FRMD5: variants seen among roughly 807,000 people sequenced by gnomAD.
The protein encoded by FRMD5 is FERM domain-containing protein 5.
FRMD5 carries 20 observed loss-of-function variants against 69.0 expected under a neutral mutation model. The ratio of observed to expected loss-of-function variants is 0.29; its 90% CI spans 0.20 to 0.42. FRMD5 has a LOEUF of 0.42. FRMD5 is among the 10% of genes least tolerant of loss of function. The probability of loss-of-function intolerance (pLI) is 1.00; values close to 1 mark genes in which losing one functional copy is unlikely to be tolerated. For missense variants in FRMD5, 595 were observed against 708.6 expected, an observed-to-expected ratio of 0.84 and a Z score of 1.82; for synonymous variants, 271 against 260.1, an observed-to-expected ratio of 1.04 and a Z score of -0.40.
intron 1 of FRMD5, chr15:43,990,074 G>C: frequency 1.4e-6 from 1 of 702,472 alleles, no homozygotes; most frequent in Non-Finnish European, 2.7e-6. Flanking sequence ...TGTCTGGGGC[G>C]CCCCACAATG....
intron 1 of FRMD5, among the ~76,000 whole-genome samples, chr15:43,951,398 G>C (rs1424379509): frequency 6.6e-6 from 1 of 150,386 alleles, no homozygotes; most frequent in Non-Finnish European, 1.5e-5. Context: ...CTCCAGCCTG[G>C]GCCACAGGGT....
rs564784682 is a variant in FRMD5, at chr15:43,968,655, A to G, written c.103-44346T>C. Among the ~76,000 whole-genome samples the G allele has an allele frequency of 3.3e-5, 5 of 152,244 alleles. No homozygotes were observed. The East Asian group carries it at 9.6e-4, about 29-fold the overall frequency. On this transcript the variant is annotated intron_variant, in intron 1 of 13. Transcript: ENST00000417257. ...TTGTATCTATCTACTTTATTCTACT[A>G]TGTATGAACGTGTATGGAATATATG...
In FRMD5 at chr15:43,883,706, C is replaced by T; in HGVS notation, c.1132G>A (p.Glu378Lys). 6.2e-7 allele frequency: 1 copy of T among 1,605,770 alleles called. No individual in the cohort carries two copies. The highest frequency in any genetic ancestry group is 8.5e-7 in the Non-Finnish European group (1 of 1,175,600). ...RRRAVHISIM[E>K]GLESLRDSAH... ...ACCTCAAGAAGCTCATGCTCACCTT[C>T]CATGATGGAGATGTGAACAGCTCTT... The change falls in exon 13 of 14, where the codon GAA (glutamate) becomes AAA (lysine). Residue 378 changes from glutamate to lysine, a missense_variant. Physicochemically the swap from Glu to Lys is moderately conservative, Grantham distance 56 (BLOSUM62 1). Around this residue, in one of 5 missense-constraint regions of FRMD5, gnomAD observed 176 missense variants for 266.3 expected, o/e 0.66. Coordinates refer to ENST00000417257, the MANE Select transcript of FRMD5 (RefSeq NM_032892.5).
rs907992518 is a variant in FRMD5, at chr15:44,173,929, AT to A, written c.102+21023del. On this transcript the variant is annotated intron_variant, in intron 1 of 13. Coordinates refer to ENST00000417257, the MANE Select transcript of FRMD5 (RefSeq NM_032892.5). ...AAGTACTTTCAGATACATTTTCTCTATTTTTTTTTTCTCATCTTCACACAAC... is the reference window on the plus strand; with the variant it reads ...AAGTACTTTCAGATACATTTTCTCTATTTTTTTTTCTCATCTTCACACAAC... Among the ~76,000 whole-genome samples the A allele has an allele frequency of 4.1e-3, 610 of 149,878 alleles. 6 individuals carry two copies. Among genetic ancestry groups the A allele is most frequent in the African/African-American group, 0.014 (561 of 40,914 alleles).
At chr15:43,984,051 T>C (rs2140632546) in intron 1 of FRMD5, among the ~76,000 whole-genome samples, 1 of 152,202 alleles carries the variant, frequency 6.6e-6, no homozygotes, top group East Asian at 1.9e-4. Flanking sequence ...AATTCTGTTT[T>C]TGTTTTTCTT....
chr15:43,954,689 T>G (rs771208471), intron 1 of FRMD5, among the ~76,000 whole-genome samples: 1 of 152,218 alleles, frequency 6.6e-6, no homozygotes, highest in South Asian at 2.1e-4. Flanking sequence ...CACATCCACC[T>G]TCTCTTGGCC....
At chr15:43,889,681 C>T (rs1202224010) in intron 8 of FRMD5, among the ~76,000 whole-genome samples, 2 of 152,200 alleles carry the variant, frequency 1.3e-5, no homozygotes, top group African/African-American at 4.8e-5. Context: ...AACGGAAAAA[C>T]TACTGGGTCT....
chr15:44,074,218 C>CG (rs1893662346), intron 1 of FRMD5, among the ~76,000 whole-genome samples: 1 of 152,118 alleles, frequency 6.6e-6, no homozygotes, highest in South Asian at 2.1e-4. Context: ...AGAAGCCCCC[C>CG]CAAAGTAATA....
intron 7 of FRMD5, among the ~76,000 whole-genome samples, chr15:43,896,364 A>G (rs1595492779): frequency 6.6e-6 from 1 of 152,346 alleles, no homozygotes; most frequent in Middle Eastern, 3.4e-3. Context: ...AAGGACAATA[A>G]TATATACCTG....
intron 1 of FRMD5, among the ~76,000 whole-genome samples, chr15:44,161,292 T>A (rs2077613081): frequency 6.6e-6 from 1 of 152,212 alleles, no homozygotes. Flanking sequence ...ACCATGCTCA[T>A]CTTGAGTCAA....
chr15:44,066,559 A>G (rs1893320042), intron 1 of FRMD5, among the ~76,000 whole-genome samples: 1 of 152,208 alleles, frequency 6.6e-6, no homozygotes, highest in African/African-American at 2.4e-5. Flanking sequence ...GGGGGTGTTC[A>G]CGGAAAAATG....
At chr15:44,190,702 A>G (rs1246967704) in intron 1 of FRMD5, among the ~76,000 whole-genome samples, 2 of 152,228 alleles carry the variant, frequency 1.3e-5, no homozygotes, top group African/African-American at 2.4e-5. Flanking sequence ...AATGGAATGG[A>G]TTAAAACTAT....
chr15:44,162,736 G>A (rs139839359), intron 1 of FRMD5, among the ~76,000 whole-genome samples: 2,930 of 151,836 alleles, frequency 0.019, 33 homozygotes, highest in Non-Finnish European at 0.031. Flanking sequence ...GCGTGGTGGC[G>A]CATGCCTGTA....
intron 1 of FRMD5, among the ~76,000 whole-genome samples, chr15:44,028,418 T>TA (rs1457670248): frequency 6.6e-6 from 1 of 152,138 alleles, no homozygotes; most frequent in Non-Finnish European, 1.5e-5. Context: ...TAAGTGAGGA[T>TA]AAAATCAAAG....
intron 1 of FRMD5, among the ~76,000 whole-genome samples, chr15:44,071,786 T>C (rs1893550445): frequency 6.6e-6 from 1 of 152,260 alleles, no homozygotes; most frequent in African/African-American, 2.4e-5. Context: ...ACATTGACTA[T>C]ATTCTTAATA....
chr15:43,951,951 CTGTATGTGCATGTGTGTGTG>C (rs2090036301), intron 1 of FRMD5, among the ~76,000 whole-genome samples: 1 of 148,084 alleles, frequency 6.8e-6, no homozygotes, highest in South Asian at 2.1e-4. Context: ...GGGCCCGAGT[CTGTATGTGCATGTGTGTGTG>C]TGTGTGTGTT....
chr15:43,919,755 G>C lies in FRMD5; in HGVS notation c.250+12C>G. 1.9e-6 allele frequency: 3 copies of C among 1,613,358 alleles called. No individual in the cohort carries two copies. Among genetic ancestry groups the C allele is most frequent in the Middle Eastern group, 3.3e-4 (2 of 6,062 alleles). On this transcript the variant is annotated intron_variant, in intron 3 of 13. Coordinates refer to ENST00000417257, the MANE Select transcript of FRMD5 (RefSeq NM_032892.5). ...GGGGTGTGGCTTGAGTCTTTTCATG[G>C]AGAATACTTACATCTCAATTGTTTC...
At chr15:43,977,291 G>C (rs1595580387) in intron 1 of FRMD5, among the ~76,000 whole-genome samples, 1 of 152,032 alleles carries the variant, frequency 6.6e-6, no homozygotes, top group Non-Finnish European at 1.5e-5. Context: ...CTTTGTTTTT[G>C]GAAACACTGT....
intron 1 of FRMD5, among the ~76,000 whole-genome samples, chr15:43,938,750 T>C (rs2089807746): frequency 6.6e-6 from 1 of 152,174 alleles, no homozygotes; most frequent in South Asian, 2.1e-4. Flanking sequence ...CAGAAACCAG[T>C]AACTTAGCCA....
Sources: gnomAD v4.1 joint callset for allele counts (sites outside exome capture counted in the v4.1 genomes callset) on GRCh38, gnomAD v4.1.1 for gene constraint, gnomAD v4.1.1 regional missense constraint, MANE v1.5 for transcripts, NCBI Gene and HGNC (gene_info 2026-07-23, HGNC 2026-07-21) for gene names.